C1QTNF3: variants seen among roughly 807,000 people sequenced by gnomAD.
C1QTNF3 encodes the protein C1q and TNF related 3.
Under a neutral mutation model 32.6 loss-of-function variants are expected in C1QTNF3, and 26 were observed. The ratio of observed to expected loss-of-function variants is 0.80; its 90% CI spans 0.58 to 1.11. C1QTNF3 has a LOEUF of 1.11. Among genes scored for constraint, C1QTNF3 ranks in the 50% least tolerant of loss-of-function variants. The pLI is 0.00. For synonymous variants in C1QTNF3, 155 were observed against 146.0 expected (o/e 1.06, Z -0.44); for missense variants, 362 against 398.2 (o/e 0.91, Z 0.77).
the C1QTNF3 span, among the ~76,000 whole-genome samples, chr5:34,127,241 C>T: frequency 1.3e-5 from 2 of 151,804 alleles, no homozygotes; most frequent in African/African-American, 4.8e-5. Context: ...AACTGGGTAA[C>T]GGGCAGAGGT....
chr5:34,176,091 C>G, the C1QTNF3 span: 32 of 551,038 alleles, frequency 5.8e-5, no homozygotes, highest in South Asian at 6.1e-4. Flanking sequence ...CTCACTGATG[C>G]TAGGGTAAAG....
the C1QTNF3 span, among the ~76,000 whole-genome samples, chr5:34,055,465 A>G: frequency 6.6e-6 from 1 of 152,228 alleles, no homozygotes; most frequent in African/African-American, 2.4e-5. Context: ...TGAGGCATTC[A>G]AAGCCAAAGT....
the C1QTNF3 span, among the ~76,000 whole-genome samples, chr5:34,107,607 T>C: frequency 1.9e-4 from 29 of 151,736 alleles, no homozygotes; most frequent in African/African-American, 6.5e-4. Context: ...CAGGTTACAA[T>C]CATAAACTAA....
At chr5:34,136,866 G>A in the C1QTNF3 span, among the ~76,000 whole-genome samples, 9 of 152,286 alleles carry the variant, frequency 5.9e-5, no homozygotes, top group Admixed American at 4.6e-4. Context: ...GGATGAAGCT[G>A]GAAGCCATGA....
rs1023613583 is a variant in C1QTNF3, at chr5:34,043,041, C to A, written c.85G>T (p.Val29Leu). The A allele has an allele frequency of 1.9e-6, 3 of 1,614,164 alleles. No homozygotes were observed. Among genetic ancestry groups the A allele is most frequent in the Non-Finnish European group, 1.7e-6 (2 of 1,180,024 alleles). The part of the protein sequence containing the change: ...FCLCQDEYME[V>L]SGRTNKVVAR... ...ACCACTTTATTAGTTCTTCCGCTCACCTCCATGTATTCATCTTGACACAGG... is the reference window on the plus strand; with the variant it reads ...ACCACTTTATTAGTTCTTCCGCTCAACTCCATGTATTCATCTTGACACAGG... The change falls in exon 1 of 6, where the codon GTG becomes TTG. Residue 29 changes from valine to leucine, a missense_variant. Transcript: ENST00000382065.
At chr5:34,035,611 G>T (rs757744374) in intron 2 of C1QTNF3, 36 bp downstream of exon 2, 6 of 1,442,284 alleles carry the variant, frequency 4.2e-6, no homozygotes, top group Non-Finnish European at 5.9e-6. Flanking sequence ...AGCTCAGGCT[G>T]CAATTAGATT....
At chr5:34,082,830 C>T in the C1QTNF3 span, among the ~76,000 whole-genome samples, 3 of 151,662 alleles carry the variant, frequency 2.0e-5, no homozygotes, top group Non-Finnish European at 4.4e-5. Context: ...ATAACTGAGT[C>T]AGAATGTTGT....
the C1QTNF3 span, among the ~76,000 whole-genome samples, chr5:34,211,914 A>C: frequency 6.6e-6 from 1 of 152,188 alleles, no homozygotes; most frequent in Admixed American, 6.5e-5. Context: ...TTTAAAGTTC[A>C]TATGGAACCA....
At chr5:34,052,467 C>G in the C1QTNF3 span, among the ~76,000 whole-genome samples, 1 of 152,182 alleles carries the variant, frequency 6.6e-6, no homozygotes, top group East Asian at 1.9e-4. Context: ...CAATAAATAT[C>G]TGCTAATGAA....
At position 34,042,937 on chromosome 5, in the gene C1QTNF3, AG is replaced by A; in HGVS notation, c.188del (p.Pro63LeufsTer14). 6.2e-7 allele frequency: 1 copy of A among 1,614,190 alleles called. No homozygotes were observed. The highest frequency in any genetic ancestry group is 1.1e-5 in the South Asian group (1 of 91,084). ...TGTTATTATCCACAGTCCCAGTTTT[AG>A]GATGGCTCCGCTCTCTCACTTTCTC... ...RREKVRERSH[P>X]KTGTVDNNTS... is the part of the protein sequence containing the mutation. On this transcript the variant is annotated frameshift_variant, in exon 1 of 6. Transcript: ENST00000382065. LOFTEE classifies it high-confidence loss of function.
chr5:34,168,842 T>C, the C1QTNF3 span: 1 of 152,180 alleles, frequency 6.6e-6, no homozygotes, highest in African/African-American at 2.4e-5. Context: ...AGTTACTATA[T>C]ACCAGTTGCT....
chr5:34,144,142 C>G, the C1QTNF3 span, among the ~76,000 whole-genome samples: 48 of 151,976 alleles, frequency 3.2e-4, no homozygotes, highest in Middle Eastern at 3.4e-3. Flanking sequence ...TCAGATAAAA[C>G]AGACTTAAAA....
At chr5:34,153,713 G>A in the C1QTNF3 span, among the ~76,000 whole-genome samples, 10 of 95,336 alleles carry the variant, frequency 1.0e-4, 1 homozygote, top group East Asian at 2.3e-3. Flanking sequence ...TGGTGGGGTC[G>A]GGGGAGGGGG....
chr5:34,177,780 C>A, the C1QTNF3 span, among the ~76,000 whole-genome samples: 1 of 151,922 alleles, frequency 6.6e-6, no homozygotes, highest in Non-Finnish European at 1.5e-5. Flanking sequence ...AGCCACTGCA[C>A]CCAGCCACAA....
the C1QTNF3 span, among the ~76,000 whole-genome samples, chr5:34,224,178 C>T: frequency 1.0e-3 from 155 of 152,312 alleles, no homozygotes; most frequent in South Asian, 4.1e-3. Flanking sequence ...AAGAACATTC[C>T]ATGCTCATGG....
chr5:34,162,316 A>G, the C1QTNF3 span, among the ~76,000 whole-genome samples: 3 of 152,190 alleles, frequency 2.0e-5, no homozygotes, highest in Non-Finnish European at 4.4e-5. Flanking sequence ...ACTTGTTTTT[A>G]TAACAAAACC....
rs1375384812 is a variant in C1QTNF3 at position 34,028,782 on chromosome 5, C to T, written c.672G>A (p.Met224Ile). The T allele has an allele frequency of 6.2e-7, 1 of 1,610,700 alleles. No homozygotes were observed. Among genetic ancestry groups the T allele is most frequent in the Non-Finnish European group, 8.5e-7 (1 of 1,178,340 alleles). Residue 224 changes from methionine to isoleucine, a missense_variant, in exon 4 of 6, where the codon ATG (methionine) becomes ATA (isoleucine). Coordinates refer to ENST00000382065, the MANE Select transcript of C1QTNF3 (RefSeq NM_181435.6). ...ETNIGNFFDV[M>I]TGRFGAPVSG... Reference sequence around the variant, plus strand: ...ATACTGGGGCCCCAAATCTACCAGTCATGACATCAAAGAAGTTTCCAATGT... The same window carrying T: ...ATACTGGGGCCCCAAATCTACCAGTTATGACATCAAAGAAGTTTCCAATGT...
the C1QTNF3 span, among the ~76,000 whole-genome samples, chr5:34,181,500 G>A: frequency 1.3e-5 from 2 of 152,358 alleles, no homozygotes; most frequent in East Asian, 3.9e-4. Context: ...AGAGCCTTCT[G>A]CCTGCTGCAG....
intron 3 of C1QTNF3, among the ~76,000 whole-genome samples, chr5:34,032,583 G>C (rs1030497545): frequency 6.6e-6 from 1 of 152,186 alleles, no homozygotes; most frequent in African/African-American, 2.4e-5. Flanking sequence ...GATCACTTCA[G>C]GCCAGGAATT....
Sources: allele counts gnomAD v4.1 joint callset (sites outside exome capture counted in the v4.1 genomes callset), GRCh38; gene constraint gnomAD v4.1.1; transcripts MANE v1.5; gene names NCBI Gene and HGNC (gene_info 2026-07-23, HGNC 2026-07-21).